The following SPAG16 variants were observed in gnomAD, a reference collection of about 807,000 sequenced individuals.
The protein encoded by SPAG16 is sperm associated antigen 16.
A neutral mutation model predicts 80.4 loss-of-function variants in SPAG16; 86 were observed. The observed-to-expected ratio is 1.07, with a 90% CI of 0.90 to 1.28. The LOEUF (loss-of-function observed/expected upper bound fraction) is 1.28, where lower values mean the gene tolerates loss of function less well. SPAG16 is among the 50% of genes most tolerant of loss of function. The pLI, the probability that SPAG16 is intolerant of heterozygous loss-of-function variation, is 0.00. For synonymous variants in SPAG16, 294 were observed against 265.9 expected, an observed-to-expected ratio of 1.11 and a Z score of -1.03; for missense variants, 870 against 765.3, an observed-to-expected ratio of 1.14 and a Z score of -1.61.
chr2:213,649,826 A>G (rs967969300), intron 10 of SPAG16, among the ~76,000 whole-genome samples: 1 of 152,036 alleles, frequency 6.6e-6, no homozygotes, highest in African/African-American at 2.4e-5. Flanking sequence ...CCTCTGAAAC[A>G]TGAGCCACTG....
In SPAG16 at chr2:213,605,732, G is replaced by A. The variant is rs559882480; in HGVS notation, c.1070+115642G>A. ...TCTGCATCTCCTGACTTCGTGATCGGCCTGCCTCGGCCTCCCAAAGTGCTG... is the reference window on the plus strand; with the variant it reads ...TCTGCATCTCCTGACTTCGTGATCGACCTGCCTCGGCCTCCCAAAGTGCTG... On this transcript the variant is annotated intron_variant, in intron 10 of 15. Coordinates refer to ENST00000331683, the MANE Select transcript of SPAG16 (RefSeq NM_024532.5). Among the ~76,000 whole-genome samples the A allele has an allele frequency of 1.3e-4, 20 of 152,102 alleles. 1 individual carries two copies. The South Asian group carries it at 3.3e-3, about 25-fold the overall frequency.
chr2:213,338,740 T>C (rs1365987657), intron 5 of SPAG16, among the ~76,000 whole-genome samples: 1 of 152,182 alleles, frequency 6.6e-6, no homozygotes, highest in African/African-American at 2.4e-5. Context: ...GAAGCCATTA[T>C]CCTCAGCAAA....
intron 10 of SPAG16, among the ~76,000 whole-genome samples, chr2:213,704,560 C>T (rs2065652760): frequency 1.3e-5 from 2 of 152,100 alleles, no homozygotes; most frequent in South Asian, 4.1e-4. Context: ...TTGGAGTAGG[C>T]ACCCCACAAA....
intron 15 of SPAG16, among the ~76,000 whole-genome samples, chr2:214,365,454 C>T (rs1407738731): frequency 6.6e-6 from 1 of 152,056 alleles, no homozygotes; most frequent in African/African-American, 2.4e-5. Context: ...CATAAAGTAC[C>T]ACTACCAGTG....
At chr2:213,937,701 A>G (rs1238364219) in intron 12 of SPAG16, among the ~76,000 whole-genome samples, 1 of 152,012 alleles carries the variant, frequency 6.6e-6, no homozygotes, top group Non-Finnish European at 1.5e-5. Context: ...TTCAAGAAAT[A>G]TCTACCTTAT....
intron 10 of SPAG16, among the ~76,000 whole-genome samples, chr2:213,733,204 A>C (rs1346652032): frequency 1.6e-5 from 2 of 125,354 alleles, no homozygotes; most frequent in African/African-American, 5.6e-5. Flanking sequence ...TCCTTCACCT[A>C]CTTTGTAATG....
rs1447463263 is a variant in SPAG16 at position 213,917,516 on chromosome 2, A to G, written c.1215-12444A>G. On this transcript the variant is annotated intron_variant, in intron 11 of 15. Coordinates refer to ENST00000331683, the MANE Select transcript of SPAG16 (RefSeq NM_024532.5). ...TCCTGGGTTGGCTGTATTCCTAGGTATTTTATTCTTTTTGTGGCAATTGTG... is the reference window on the plus strand; with the variant it reads ...TCCTGGGTTGGCTGTATTCCTAGGTGTTTTATTCTTTTTGTGGCAATTGTG... Among the ~76,000 whole-genome samples, 4 of 151,858 alleles carry G rather than the reference A, an allele frequency of 2.6e-5. No individual in the cohort carries two copies. In the East Asian group the frequency reaches 7.7e-4, roughly 29 times the overall value.
Position 214,149,126 on chromosome 2 carries a change from C to A in SPAG16, c.1594-14C>A. On this transcript the variant is annotated splice_polypyrimidine_tract_variant and intron_variant, in intron 14 of 15. Transcript: ENST00000331683. ...ACATACACATTTTATTTTTGTTTAT[C>A]TTATATTTTGAAGGGTCACATGATA... 7.0e-7 allele frequency: 1 copy of A among 1,438,170 alleles called. No individual in the cohort carries two copies. The highest frequency in any genetic ancestry group is 2.3e-5 in the Admixed American group (1 of 44,434). 89.1% of individuals were successfully genotyped at this position (1,438,170 alleles called of 1,614,324 possible).
chr2:214,316,916 G>A (rs1441776563), intron 15 of SPAG16, among the ~76,000 whole-genome samples: 2 of 152,058 alleles, frequency 1.3e-5, no homozygotes, highest in East Asian at 1.9e-4. Flanking sequence ...GCCTAATTTT[G>A]CCAGACCCTA....
intron 12 of SPAG16, among the ~76,000 whole-genome samples, chr2:214,004,354 C>T (rs915350720): frequency 4.6e-5 from 7 of 152,096 alleles, no homozygotes; most frequent in Non-Finnish European, 8.8e-5. Flanking sequence ...CAAAAAATTA[C>T]AAAGTGTTGG....
chr2:213,587,331 C>T (rs992071499), intron 10 of SPAG16, among the ~76,000 whole-genome samples: 1 of 152,134 alleles, frequency 6.6e-6, no homozygotes, highest in Non-Finnish European at 1.5e-5. Context: ...CTTGGGTCAG[C>T]TGGAGCCATA....
rs530939038 is a variant in SPAG16, at chr2:213,457,636, C to A, written c.943-32327C>A. 1.4e-4 allele frequency among the ~76,000 whole-genome samples: 21 copies of A among 152,042 alleles called. No individual in the cohort carries two copies. In the South Asian group the frequency reaches 4.0e-3, roughly 29 times the overall value. On this transcript the variant is annotated intron_variant, in intron 9 of 15. Transcript: ENST00000331683. ...TCTTTGTGTATTATTCAAGCCAGACCAGATTTATTTTTGGTGTCTGCATGG... is the reference window on the plus strand; with the variant it reads ...TCTTTGTGTATTATTCAAGCCAGACAAGATTTATTTTTGGTGTCTGCATGG...
At chr2:214,282,026 A>G (rs894681263) in intron 15 of SPAG16, among the ~76,000 whole-genome samples, 2 of 152,176 alleles carry the variant, frequency 1.3e-5, no homozygotes, top group African/African-American at 4.8e-5. Flanking sequence ...CTAATCTCTC[A>G]TTATAAAGGA....
At chr2:214,262,660 T>C (rs763302744) in intron 15 of SPAG16, among the ~76,000 whole-genome samples, 10 of 152,040 alleles carry the variant, frequency 6.6e-5, no homozygotes, top group Non-Finnish European at 1.3e-4. Context: ...TTCATCTCCG[T>C]ATCTATAAAA....
intron 15 of SPAG16, among the ~76,000 whole-genome samples, chr2:214,354,480 A>G (rs1195297797): frequency 1.3e-5 from 2 of 151,952 alleles, no homozygotes; most frequent in African/African-American, 4.8e-5. Context: ...TTGGCAATGC[A>G]GGCTCTTTTT....
chr2:213,318,574 A>C (rs1287771414), intron 5 of SPAG16, among the ~76,000 whole-genome samples: 4 of 151,974 alleles, frequency 2.6e-5, no homozygotes, highest in Non-Finnish European at 5.9e-5. Flanking sequence ...CCAGAAACCC[A>C]GACTTCATCA....
intron 10 of SPAG16, among the ~76,000 whole-genome samples, chr2:213,711,316 C>A (rs1447048802): frequency 2.6e-5 from 4 of 151,810 alleles, no homozygotes; most frequent in Admixed American, 6.6e-5. Context: ...TATAAAATAT[C>A]AATATCTAAA....
intron 15 of SPAG16, among the ~76,000 whole-genome samples, chr2:214,297,379 T>C (rs987852432): frequency 2.6e-5 from 4 of 152,202 alleles, no homozygotes; most frequent in African/African-American, 9.6e-5. Context: ...AATTCTTTGC[T>C]TAGGCCAAAT....
chr2:213,411,899 A>G (rs1382196395), intron 9 of SPAG16, among the ~76,000 whole-genome samples: 1 of 152,060 alleles, frequency 6.6e-6, no homozygotes, highest in African/African-American at 2.4e-5. Context: ...TGTTAAAAAA[A>G]AAAGAAAAAA....
Sources: gnomAD v4.1 joint callset for allele counts (sites outside exome capture counted in the v4.1 genomes callset) on GRCh38, gnomAD v4.1.1 for gene constraint, MANE v1.5 for transcripts, NCBI Gene and HGNC (gene_info 2026-07-23, HGNC 2026-07-21) for gene names.